Variants in KDM4C observed in about 807,000 individuals in gnomAD.
KDM4C encodes lysine-specific demethylase 4C.
In KDM4C, 81 loss-of-function variants were observed where a neutral mutation model predicts 129.3. The observed-to-expected ratio is 0.63, with a 90% CI of 0.52 to 0.75. The LOEUF is 0.75. Ranked by LOEUF, KDM4C falls within the 30% of genes least tolerant of loss-of-function variation. The pLI is 0.00. For synonymous variants in KDM4C, 573 were observed against 456.1 expected (o/e 1.26, Z -3.26); for missense variants, 1,457 against 1,304.0 (o/e 1.12, Z -1.81).
chr9:6,838,340 G>A (rs1366744485), intron 4 of KDM4C, among the ~76,000 whole-genome samples: 1 of 152,164 alleles, frequency 6.6e-6, no homozygotes, highest in African/African-American at 2.4e-5. Context: ...GGTATGCACA[G>A]TGATCTTTGC....
Position 6,892,409 on chromosome 9 carries a change from A to AT in KDM4C, c.784-686_784-685insT, listed in dbSNP as rs772240373. 1.2e-3 allele frequency among the ~76,000 whole-genome samples: 185 copies of AT among 152,278 alleles called. 1 individual carries two copies. The highest frequency in any genetic ancestry group is 2.0e-3 in the Non-Finnish European group (137 of 67,988). On this transcript the variant is annotated intron_variant, in intron 7 of 21. Transcript: ENST00000381309. ...GTTGCTTTGGTGATTGTAAAAAAAA[A>AT]GTCTTTAATCTAAAAAATAGAAACA...
chr9:6,980,952 A>C lies in KDM4C; in HGVS notation c.949A>C (p.Ile317Leu), dbSNP rs1816668310. ...CACTTGCAGGAAAGACATGGTGAAG[A>C]TTTCAATGGATATCTTTGTGAGGAA... ...LCTCRKDMVK[I>L]SMDIFVRKFQ... The change falls in exon 9 of 22, where the codon ATT becomes CTT. Residue 317 changes from isoleucine to leucine, a missense_variant. Transcript: ENST00000381309. 1 of 1,613,684 alleles carries C rather than the reference A, an allele frequency of 6.2e-7. No homozygotes were observed. Among genetic ancestry groups the C allele is most frequent in the Admixed American group, 1.7e-5 (1 of 59,926 alleles).
intron 17 of KDM4C, among the ~76,000 whole-genome samples, chr9:7,053,398 G>A (rs929078544): frequency 6.6e-6 from 1 of 152,060 alleles, no homozygotes; most frequent in Non-Finnish European, 1.5e-5. Context: ...ATGTATAATG[G>A]CCAGTTTTTA....
intron 15 of KDM4C, among the ~76,000 whole-genome samples, chr9:7,023,270 G>A (rs1825205094): frequency 6.6e-6 from 1 of 152,034 alleles, no homozygotes; most frequent in African/African-American, 2.4e-5. Flanking sequence ...TGGGTCCTAG[G>A]CTTTTCTTTA....
intron 8 of KDM4C, among the ~76,000 whole-genome samples, chr9:6,963,340 T>C (rs1002269127): frequency 1.3e-4 from 20 of 152,236 alleles, no homozygotes; most frequent in African/African-American, 4.8e-4. Context: ...GCAGTAAATA[T>C]TTATTGACCA....
intron 21 of KDM4C, chr9:7,170,395 T>A (rs1227748351): frequency 1.0e-6 from 1 of 996,190 alleles, no homozygotes; most frequent in Non-Finnish European, 1.2e-6. Flanking sequence ...ACTTTCATAA[T>A]AAAAGGGATA....
chr9:6,804,425 T>C (rs1319328676), intron 2 of KDM4C, among the ~76,000 whole-genome samples: 1 of 152,202 alleles, frequency 6.6e-6, no homozygotes, highest in East Asian at 1.9e-4. Context: ...TCTACTAGCA[T>C]ACCGCTGTGC....
At chr9:6,792,648 A>C (rs541675876) in intron 1 of KDM4C, among the ~76,000 whole-genome samples, 2 of 152,096 alleles carry the variant, frequency 1.3e-5, no homozygotes, top group Non-Finnish European at 2.9e-5. Context: ...TGGCCCCCCA[A>C]AGTGCTGAGA....
chr9:7,076,322 G>A, intron 17 of KDM4C: 1 of 739,220 alleles, frequency 1.4e-6, no homozygotes, highest in Non-Finnish European at 2.4e-6. Flanking sequence ...TATGGGAAGT[G>A]TCTGAGCTGG....
upstream of KDM4C, among the ~76,000 whole-genome samples, chr9:6,753,831 G>T (rs1818152916): frequency 2.0e-5 from 3 of 150,018 alleles, no homozygotes; most frequent in Non-Finnish European, 4.4e-5. Flanking sequence ...TAAAGGTAAA[G>T]GTAAATAAAA....
chr9:7,054,580 C>G (rs1233476702), intron 17 of KDM4C, among the ~76,000 whole-genome samples: 2 of 152,110 alleles, frequency 1.3e-5, no homozygotes, highest in African/African-American at 4.8e-5. Context: ...GGTTTGGAGA[C>G]AGATCACTGT....
At chr9:6,926,037 G>T (rs1209109525) in intron 8 of KDM4C, among the ~76,000 whole-genome samples, 1 of 152,070 alleles carries the variant, frequency 6.6e-6, no homozygotes, top group Non-Finnish European at 1.5e-5. Context: ...TAGCCGCTGC[G>T]AACTGTAAAA....
chr9:7,098,189 A>C (rs1009876277), intron 17 of KDM4C, among the ~76,000 whole-genome samples: 4 of 152,164 alleles, frequency 2.6e-5, no homozygotes, highest in Admixed American at 1.3e-4. Flanking sequence ...ACAGTGACTC[A>C]TTAGCCTTAT....
chr9:7,085,880 G>T (rs1388910063), intron 17 of KDM4C, among the ~76,000 whole-genome samples: 2 of 151,958 alleles, frequency 1.3e-5, no homozygotes, highest in African/African-American at 4.8e-5. Context: ...ATTGGGCCAG[G>T]TGCGGTGGCT....
At chr9:6,870,230 T>C (rs1335157919) in intron 5 of KDM4C, among the ~76,000 whole-genome samples, 2 of 152,150 alleles carry the variant, frequency 1.3e-5, no homozygotes, top group Admixed American at 6.6e-5. Context: ...ATCTGCGGTT[T>C]ATTTAAAATG....
intron 5 of KDM4C, among the ~76,000 whole-genome samples, chr9:6,864,028 A>T (rs999398923): frequency 3.3e-5 from 5 of 152,196 alleles, no homozygotes; most frequent in African/African-American, 1.2e-4. Flanking sequence ...AACCATATCA[A>T]TACCACTATT....
intron 18 of KDM4C, among the ~76,000 whole-genome samples, chr9:7,125,823 G>A (rs1471716853): frequency 1.3e-5 from 2 of 152,142 alleles, no homozygotes; most frequent in Non-Finnish European, 2.9e-5. Flanking sequence ...GCTTGGTTCA[G>A]GGCCTTCCCA....
intron 18 of KDM4C, among the ~76,000 whole-genome samples, chr9:7,107,532 C>G (rs1414964807): frequency 6.6e-6 from 1 of 152,208 alleles, no homozygotes; most frequent in Non-Finnish European, 1.5e-5. Flanking sequence ...TTAGAATAAT[C>G]TGCATATTTA....
At chr9:6,919,267 C>CTTTCT in intron 8 of KDM4C, among the ~76,000 whole-genome samples, 2 of 125,464 alleles carry the variant, frequency 1.6e-5, no homozygotes, top group African/African-American at 6.1e-5. Context: ...TTCTTTCTTT[C>CTTTCT]TTTCTGTCTC....
Sources: gnomAD v4.1 joint callset for allele counts (sites outside exome capture counted in the v4.1 genomes callset) on GRCh38, gnomAD v4.1.1 for gene constraint, MANE v1.5 for transcripts, NCBI Gene and HGNC (gene_info 2026-07-23, HGNC 2026-07-21) for gene names.